ZNF28: variants seen among roughly 807,000 people sequenced by gnomAD.
ZNF28 encodes zinc finger protein 28.
In ZNF28, 5 loss-of-function variants were observed where a neutral mutation model predicts 7.2. That is an observed-to-expected ratio of 0.70 (90% CI 0.36 to 1.46). ZNF28 has a LOEUF of 1.46. ZNF28 is among the 40% of genes most tolerant of loss of function. ZNF28 has a pLI of 0.03. For synonymous variants in ZNF28, 288 were observed against 292.4 expected, an observed-to-expected ratio of 0.99 and a Z score of 0.15; for missense variants, 879 against 866.6, an observed-to-expected ratio of 1.01 and a Z score of -0.18.
intron 2 of ZNF28, chr19:52,810,729 G>T (rs1180553634): frequency 3.1e-6 from 2 of 639,044 alleles, no homozygotes; most frequent in African/African-American, 2.0e-5. Context: ...TATTAGGAGA[G>T]AGAGGAAAAA....
At position 52,800,468 on chromosome 19, in the gene ZNF28, T is replaced by C. The variant is rs774484404; in HGVS notation, c.1377A>G (p.Arg459=). Residue 459 remains arginine, a synonymous_variant, in exon 4 of 4, where the codon AGA becomes AGG. Transcript: ENST00000457749. ...TGTATGGTTTCTCTGCAGTATGAAG[T>C]CTATGATGGCGTGCAAGAGTTGATT... ...NQQSTLARHH[R]LHTAEKPYKC... The C allele has an allele frequency of 6.2e-7, 1 of 1,613,484 alleles. No individual in the cohort carries two copies. Among genetic ancestry groups the C allele is most frequent in the East Asian group, 2.2e-5 (1 of 44,834 alleles).
chr19:52,808,382 A>G (rs2062964729), intron 2 of ZNF28, among the ~76,000 whole-genome samples: 1 of 152,220 alleles, frequency 6.6e-6, no homozygotes, highest in Non-Finnish European at 1.5e-5. Flanking sequence ...GATTCCTGTT[A>G]TAAAAATGTT....
At chr19:52,807,590 T>A (rs1252588476) in intron 3 of ZNF28, among the ~76,000 whole-genome samples, 1 of 152,210 alleles carries the variant, frequency 6.6e-6, no homozygotes, top group East Asian at 1.9e-4. Context: ...TTCTCTTTCC[T>A]CAGCCTCTCT....
intron 2 of ZNF28, chr19:52,810,442 A>G: frequency 6.3e-7 from 1 of 1,599,108 alleles, no homozygotes; most frequent in South Asian, 1.1e-5. Flanking sequence ...GGGTTTGCAT[A>G]TATAGAGTTC....
chr19:52,806,556 A>G (rs1164645268), intron 3 of ZNF28, among the ~76,000 whole-genome samples: 2 of 139,130 alleles, frequency 1.4e-5, no homozygotes, highest in Non-Finnish European at 3.0e-5. Flanking sequence ...ACATACCTGC[A>G]ACAATAACCT....
Position 52,801,027 on chromosome 19 carries a change from C to A in ZNF28, c.818G>T (p.Cys273Phe), listed in dbSNP as rs201052321. The A allele has an allele frequency of 6.2e-7, 1 of 1,614,160 alleles. No homozygotes were observed. Among genetic ancestry groups the A allele is most frequent in the Admixed American group, 1.7e-5 (1 of 60,020 alleles). ...RSHIDEKPYK[C>F]NECGKIFGHN... is the part of the protein sequence containing the mutation. ...ACCAAAGATCTTGCCACACTCATTA[C>A]ACTTGTAAGGTTTCTCATCAATGTG... The change falls in exon 4 of 4, where the codon TGT (cysteine) becomes TTT (phenylalanine). Residue 273 changes from cysteine (C) to phenylalanine (F), a missense_variant. This residue lies in a region of ZNF28 where 864 missense variants were observed against 830.2 expected (regional missense o/e 1.04). Coordinates refer to ENST00000457749, the MANE Select transcript of ZNF28 (RefSeq NM_006969.5).
In ZNF28 at chr19:52,808,920, T is replaced by G. The variant is rs1266171694; in HGVS notation, c.16-787A>C. On this transcript the variant is annotated intron_variant, in intron 2 of 3. Coordinates refer to ENST00000457749, the MANE Select transcript of ZNF28 (RefSeq NM_006969.5). The stretch of plus-strand genomic sequence containing the variant: ...ACCTAGAGACTCACAAAACACTAGA[T>G]GTGAATACAAAGGGTTGTCATTTGT... 7.2e-5 allele frequency among the ~76,000 whole-genome samples: 11 copies of G among 152,204 alleles called. No individual in the cohort carries two copies. In the South Asian group the frequency reaches 1.0e-3, roughly 14 times the overall value.
At chr19:52,802,085 A>T (rs1323290733) in intron 3 of ZNF28, among the ~76,000 whole-genome samples, 1 of 152,254 alleles carries the variant, frequency 6.6e-6, no homozygotes, top group Non-Finnish European at 1.5e-5. Context: ...ATACAAATAA[A>T]TGCTAAAGAA....
At position 52,799,854 on chromosome 19, in the gene ZNF28, T is replaced by C; in HGVS notation, c.1991A>G (p.Lys664Arg). The C allele has an allele frequency of 6.2e-7, 1 of 1,613,808 alleles. No homozygotes were observed. Among genetic ancestry groups the C allele is most frequent in the South Asian group, 1.1e-5 (1 of 91,058 alleles). Residue 664 changes from lysine to arginine, a missense_variant, in exon 4 of 4, where the codon AAG becomes AGG. Lys to Arg is a conservative substitution (Grantham distance 26, BLOSUM62 2). Around this residue, in one of 2 missense-constraint regions of ZNF28, gnomAD observed 864 missense variants for 830.2 expected, o/e 1.04. Transcript: ENST00000457749. ...HRLHSGEKPYKCNECGKVFNQ... is the reference protein window; with the variant it reads ...HRLHSGEKPYRCNECGKVFNQ... ...AAAAACCTTGCCACATTCATTACAC[T>C]TGTAAGGTTTCTCTCCACTATGAAG...
intron 2 of ZNF28, chr19:52,810,526 A>C: frequency 3.8e-6 from 6 of 1,596,984 alleles, no homozygotes; most frequent in Non-Finnish European, 5.1e-6. Context: ...AGGTGATCCC[A>C]AAGCGAACCA....
At chr19:52,802,558 T>C (rs1433129224) in intron 3 of ZNF28, among the ~76,000 whole-genome samples, 2 of 151,720 alleles carry the variant, frequency 1.3e-5, no homozygotes, top group African/African-American at 4.8e-5. Context: ...GTGCCTGTAA[T>C]CCCAGCTACT....
intron 2 of ZNF28, among the ~76,000 whole-genome samples, chr19:52,812,185 G>T (rs2063058804): frequency 7.6e-6 from 1 of 131,400 alleles, no homozygotes; most frequent in Non-Finnish European, 1.5e-5. Flanking sequence ...CATCTGGGAG[G>T]TGAGGGGCGC....
At chr19:52,804,697 G>A (rs984866538) in intron 3 of ZNF28, among the ~76,000 whole-genome samples, 7 of 152,042 alleles carry the variant, frequency 4.6e-5, no homozygotes, top group African/African-American at 7.2e-5. Context: ...TAAATTCGAG[G>A]TTTCACCATG....
intron 1 of ZNF28, among the ~76,000 whole-genome samples, chr19:52,821,231 A>G (rs1158673921): frequency 6.6e-6 from 1 of 152,130 alleles, no homozygotes; most frequent in African/African-American, 2.4e-5. Flanking sequence ...GCTGTGCTCC[A>G]GGAACCCAGG....
At chr19:52,816,681 A>T (rs2063127922) in intron 2 of ZNF28, among the ~76,000 whole-genome samples, 1 of 133,092 alleles carries the variant, frequency 7.5e-6, no homozygotes, top group Admixed American at 7.5e-5. Flanking sequence ...AGAAAAAAAA[A>T]ATTAGTTGGG....
In ZNF28 at chr19:52,808,063, T is replaced by C. The variant is rs746398240; in HGVS notation, c.86A>G (p.Gln29Arg). 6.2e-7 allele frequency: 1 copy of C among 1,613,576 alleles called. No individual in the cohort carries two copies. The highest frequency in any genetic ancestry group is 1.1e-5 in the South Asian group (1 of 91,070). ...QEEWKCLDPA[Q>R]RTLYRDVMLE... ...CATCACATCCCTGTAAAGAGTCCTC[T>C]GAGCAGGGTCCAGGCATTTCCACTC... Residue 29 changes from glutamine to arginine, a missense_variant, in exon 3 of 4, where the codon CAG becomes CGG. By Grantham distance (43) the Gln-to-Arg change is conservative. Around this residue, in one of 2 missense-constraint regions of ZNF28, gnomAD observed 864 missense variants for 830.2 expected, o/e 1.04. Coordinates refer to ENST00000457749, the MANE Select transcript of ZNF28 (RefSeq NM_006969.5).
chr19:52,810,644 G>A (rs1600455190), intron 2 of ZNF28: 1 of 1,281,698 alleles, frequency 7.8e-7, no homozygotes. Flanking sequence ...GGTTTTAACA[G>A]CAGGCTCTGG....
chr19:52,800,158 T>C lies in ZNF28; in HGVS notation c.1687A>G (p.Lys563Glu), dbSNP rs779799240. 1 of 1,613,724 alleles carries C rather than the reference T, an allele frequency of 6.2e-7. No homozygotes were observed. Among genetic ancestry groups the C allele is most frequent in the South Asian group, 1.1e-5 (1 of 91,056 alleles). Residue 563 changes from lysine to glutamate, a missense_variant, in exon 4 of 4, where the codon AAA (lysine) becomes GAA (glutamate). By Grantham distance (56) the Lys-to-Glu change is moderately conservative. Coordinates refer to ENST00000457749, the MANE Select transcript of ZNF28 (RefSeq NM_006969.5). Reference sequence around the variant, plus strand: ...CTCCTATGTCTTTCCATGTGTGATTTGCGACTGAAAACTTTCTCACATTCT... The same window carrying C: ...CTCCTATGTCTTTCCATGTGTGATTCGCGACTGAAAACTTTCTCACATTCT... ...CEECEKVFSRKSHMERHRRIH... is the reference protein window; with the variant it reads ...CEECEKVFSRESHMERHRRIH...
chr19:52,819,837 T>C (rs981018846), intron 1 of ZNF28, among the ~76,000 whole-genome samples: 1 of 142,960 alleles, frequency 7.0e-6, no homozygotes, highest in Non-Finnish European at 1.5e-5. Context: ...ACACTAACAT[T>C]TATAAAATGC....
Sources: allele counts gnomAD v4.1 joint callset (sites outside exome capture counted in the v4.1 genomes callset), GRCh38; gene constraint gnomAD v4.1.1; regional missense constraint gnomAD v4.1.1; transcripts MANE v1.5; gene names NCBI Gene and HGNC (gene_info 2026-07-23, HGNC 2026-07-21).